The following DPYSL2 variants were observed in gnomAD, a reference collection of about 807,000 sequenced individuals.
DPYSL2 encodes the protein dihydropyrimidinase-related protein 2.
Under a neutral mutation model 69.9 loss-of-function variants are expected in DPYSL2, and 13 were observed. The observed-to-expected ratio is 0.19, with a 90% CI of 0.12 to 0.30. The LOEUF (loss-of-function observed/expected upper bound fraction) is 0.30. Ranked by LOEUF, DPYSL2 falls within the 10% of genes least tolerant of loss-of-function variation. DPYSL2 has a pLI of 1.00. For synonymous variants in DPYSL2, 326 were observed against 359.1 expected, an observed-to-expected ratio of 0.91 and a Z score of 1.04; for missense variants, 587 against 918.9, an observed-to-expected ratio of 0.64 and a Z score of 4.67.
rs925268918 is a variant in DPYSL2, at chr8:26,605,263, C to T, written c.629-18880C>T. ...ATATGTTAGCCAGTGTAATAAGATA[C>T]GAAAAATAAGAAGTAATAATAATGG... On this transcript the variant is annotated intron_variant, in intron 3 of 13. Coordinates refer to ENST00000521913, the MANE Select transcript of DPYSL2 (RefSeq NM_001197293.3). The surrounding 1 kb of genome is among the most constrained non-coding windows in gnomAD (Gnocchi z 4.1). 5.9e-5 allele frequency among the ~76,000 whole-genome samples: 9 copies of T among 151,824 alleles called. No homozygotes were observed. Among genetic ancestry groups the T allele is most frequent in the Non-Finnish European group, 4.4e-5 (3 of 67,974 alleles).
At chr8:26,592,153 CAG>C (rs1801741576) in intron 3 of DPYSL2, among the ~76,000 whole-genome samples, 1 of 152,112 alleles carries the variant, frequency 6.6e-6, no homozygotes, top group South Asian at 2.1e-4. Context: ...ATTAATGGTG[CAG>C]AGAGTTTTAT....
rs542021394 is a variant in DPYSL2, at chr8:26,598,580, T to A, written c.628+14597T>A. 2.6e-5 allele frequency among the ~76,000 whole-genome samples: 4 copies of A among 152,352 alleles called. No homozygotes were observed. In the South Asian group the frequency reaches 8.3e-4, roughly 32 times the overall value. ...TGTGCCCCCACCTTGGTGAGCACCT[T>A]TCCCCCCAGGCACAGTCCCTGCTTA... On this transcript the variant is annotated intron_variant, in intron 3 of 13. Coordinates refer to ENST00000521913, the MANE Select transcript of DPYSL2 (RefSeq NM_001197293.3). This position sits in a 1 kb window ranked among gnomAD's most constrained non-coding sequence, Gnocchi z 4.2.
At chr8:26,534,932 C>T (rs1004331304) in intron 1 of DPYSL2, among the ~76,000 whole-genome samples, 1 of 152,142 alleles carries the variant, frequency 6.6e-6, no homozygotes, top group Admixed American at 6.6e-5. Context: ...CACAACCATC[C>T]CAAATCTTGT....
chr8:26,648,639 T>A lies in DPYSL2; in HGVS notation c.1596+839T>A, dbSNP rs1200054903. On this transcript the variant is annotated intron_variant, in intron 11 of 13. Transcript: ENST00000521913. The surrounding 1 kb of genome is among the most constrained non-coding windows in gnomAD (Gnocchi z 4.3). The stretch of plus-strand genomic sequence containing the variant: ...AGAAATGGGCCTCGGGCAGAAGAGT[T>A]TCGTGTCAGGAACTCATTTGAATCT... 2.0e-5 allele frequency among the ~76,000 whole-genome samples: 3 copies of A among 152,046 alleles called. No homozygotes were observed. The highest frequency in any genetic ancestry group is 7.2e-5 in the African/African-American group (3 of 41,404).
intron 11 of DPYSL2, among the ~76,000 whole-genome samples, chr8:26,649,149 A>C (rs1803231658): frequency 6.6e-6 from 1 of 152,254 alleles, no homozygotes; most frequent in African/African-American, 2.4e-5. Context: ...AATTTGGGAA[A>C]ATAAATAAAC....
At chr8:26,606,414 A>G (rs966599204) in intron 3 of DPYSL2, among the ~76,000 whole-genome samples, 1 of 152,200 alleles carries the variant, frequency 6.6e-6, no homozygotes, top group Non-Finnish European at 1.5e-5. Context: ...AAAGATGGAG[A>G]TGCTTGACTA....
At position 26,650,125 on chromosome 8, in the gene DPYSL2, G is replaced by A. The variant is rs1426279061; in HGVS notation, c.1597-2132G>A. The stretch of plus-strand genomic sequence containing the variant: ...ATGCCTACTGTGAGCCAAATAGTGA[G>A]CTAGATGCTTTTGTTCATTTTATTT... On this transcript the variant is annotated intron_variant, in intron 11 of 13. Coordinates refer to ENST00000521913, the MANE Select transcript of DPYSL2 (RefSeq NM_001197293.3). This position sits in a 1 kb window ranked among gnomAD's most constrained non-coding sequence, Gnocchi z 5.3. 3.3e-5 allele frequency among the ~76,000 whole-genome samples: 5 copies of A among 152,204 alleles called. No individual in the cohort carries two copies. The highest frequency in any genetic ancestry group is 7.3e-5 in the Non-Finnish European group (5 of 68,044).
rs1452898691 is a variant in DPYSL2 at position 26,614,476 on chromosome 8, T to C, written c.629-9667T>C. Among the ~76,000 whole-genome samples, 1 of 152,242 alleles carries C rather than the reference T, an allele frequency of 6.6e-6. No individual in the cohort carries two copies. Among genetic ancestry groups the C allele is most frequent in the Non-Finnish European group, 1.5e-5 (1 of 68,040 alleles). On this transcript the variant is annotated intron_variant, in intron 3 of 13. Coordinates refer to ENST00000521913, the MANE Select transcript of DPYSL2 (RefSeq NM_001197293.3). This position sits in a 1 kb window ranked among gnomAD's most constrained non-coding sequence, Gnocchi z 4.9. ...TCCCTTTCGTATCTTTTAGTGAGTT[T>C]TTGTTTTCCCTAACTGGATTGTTGG...
chr8:26,625,413 G>A (rs1802592513), intron 4 of DPYSL2, among the ~76,000 whole-genome samples: 1 of 152,192 alleles, frequency 6.6e-6, no homozygotes, highest in Non-Finnish European at 1.5e-5. Flanking sequence ...GGGTTACCAT[G>A]GTAACTGTTG....
At chr8:26,601,820 G>C (rs1051585531) in intron 3 of DPYSL2, among the ~76,000 whole-genome samples, 1 of 152,234 alleles carries the variant, frequency 6.6e-6, no homozygotes, top group Non-Finnish European at 1.5e-5. Flanking sequence ...AACAAAGACA[G>C]TACTTGACAT....
chr8:26,530,811 A>G (rs1484455198), intron 1 of DPYSL2, among the ~76,000 whole-genome samples: 3 of 152,172 alleles, frequency 2.0e-5, no homozygotes, highest in Non-Finnish European at 4.4e-5. Context: ...CAAATCACCT[A>G]TTTCTTTTAG....
rs1802570946 is a variant in DPYSL2 at position 26,624,349 on chromosome 8, T to C, written c.793+42T>C. 6.2e-7 allele frequency: 1 copy of C among 1,600,856 alleles called. No individual in the cohort carries two copies. The highest frequency in any genetic ancestry group is 1.1e-5 in the South Asian group (1 of 89,696). Reference sequence around the variant, plus strand: ...CAATGCCCTCTGCAGATGTTTCCGCTTCAGTCCATCAACTGGCACAGCCCT... The same window carrying C: ...CAATGCCCTCTGCAGATGTTTCCGCCTCAGTCCATCAACTGGCACAGCCCT... On this transcript the variant is annotated intron_variant, in intron 4 of 13. Coordinates refer to ENST00000521913, the MANE Select transcript of DPYSL2 (RefSeq NM_001197293.3). The surrounding 1 kb of genome is among the most constrained non-coding windows in gnomAD (Gnocchi z 4.7).
rs529838717 is a variant in DPYSL2 at position 26,585,893 on chromosome 8, C to T, written c.628+1910C>T. Among the ~76,000 whole-genome samples, 78 of 152,272 alleles carry T rather than the reference C, an allele frequency of 5.1e-4. No individual in the cohort carries two copies. The highest frequency in any genetic ancestry group is 1.7e-3 in the Admixed American group (26 of 15,294). Reference sequence around the variant, plus strand: ...TTGGGAGCCTGAGGTGGGTGGATCACTTGAGGTCAGGAATTTGAGACTAGC... The same window carrying T: ...TTGGGAGCCTGAGGTGGGTGGATCATTTGAGGTCAGGAATTTGAGACTAGC... On this transcript the variant is annotated intron_variant, in intron 3 of 13. Coordinates refer to ENST00000521913, the MANE Select transcript of DPYSL2 (RefSeq NM_001197293.3). This position sits in a 1 kb window ranked among gnomAD's most constrained non-coding sequence, Gnocchi z 4.0.
At chr8:26,615,294 T>C (rs1248213809) in intron 3 of DPYSL2, among the ~76,000 whole-genome samples, 2 of 152,236 alleles carry the variant, frequency 1.3e-5, no homozygotes, top group African/African-American at 4.8e-5. Context: ...GAATGGTTTT[T>C]ACTATGACTC....
intron 1 of DPYSL2, among the ~76,000 whole-genome samples, chr8:26,515,617 G>C (rs967463597): frequency 6.6e-6 from 1 of 152,200 alleles, no homozygotes; most frequent in African/African-American, 2.4e-5. Context: ...CATTTTCAGC[G>C]CAGTAATAAT....
chr8:26,649,048 A>G (rs1803229788), intron 11 of DPYSL2, among the ~76,000 whole-genome samples: 2 of 152,230 alleles, frequency 1.3e-5, no homozygotes, highest in Non-Finnish European at 2.9e-5. Context: ...GCCCTGCCCC[A>G]TGAACCTCCC....
intron 7 of DPYSL2, 65 bp from the exon 8 acceptor site, chr8:26,634,715 G>C (rs1275690766): frequency 6.2e-7 from 1 of 1,612,064 alleles, no homozygotes; most frequent in Admixed American, 1.7e-5. Flanking sequence ...CTGGGGTGGA[G>C]GATAAAGGTA....
chr8:26,583,773 C>G, intron 2 of DPYSL2, 26 bp from the exon 3 acceptor site: 1 of 1,591,944 alleles, frequency 6.3e-7, no homozygotes, highest in Non-Finnish European at 8.6e-7. Context: ...CATTTACAAC[C>G]CTTATCACCA....
intron 8 of DPYSL2, among the ~76,000 whole-genome samples, chr8:26,636,653 C>G (rs369473311): frequency 2.6e-5 from 4 of 152,226 alleles, no homozygotes; most frequent in African/African-American, 9.6e-5. Context: ...GGTGGAGTTG[C>G]GGAGCTGGAG....
Sources: gnomAD v4.1 joint callset for allele counts (sites outside exome capture counted in the v4.1 genomes callset) on GRCh38, gnomAD v4.1.1 for gene constraint, Gnocchi (gnomAD v3.1) non-coding constraint, MANE v1.5 for transcripts, NCBI Gene and HGNC (gene_info 2026-07-23, HGNC 2026-07-21) for gene names.